LUZP2: variants seen among roughly 807,000 people sequenced by gnomAD.
LUZP2 encodes the protein leucine zipper protein 2.
LUZP2 carries 52 observed loss-of-function variants against 51.6 expected under a neutral mutation model. That is an observed-to-expected ratio of 1.01 (90% CI 0.81 to 1.27). The LOEUF is 1.27. Ranked by LOEUF, LUZP2 falls within the 50% of genes most tolerant of loss-of-function variation. LUZP2 has a pLI of 0.00. For synonymous variants in LUZP2, 154 were observed against 137.3 expected, an observed-to-expected ratio of 1.12 and a Z score of -0.85; for missense variants, 436 against 395.4, an observed-to-expected ratio of 1.10 and a Z score of -0.87.
At chr11:24,656,725 C>A (rs561808672) in intron 1 of LUZP2, among the ~76,000 whole-genome samples, 1 of 152,200 alleles carries the variant, frequency 6.6e-6, no homozygotes, top group Non-Finnish European at 1.5e-5. Flanking sequence ...CAGCTTAAGG[C>A]TCCTTTTCTC....
chr11:24,638,828 G>A (rs1419752614), intron 1 of LUZP2, among the ~76,000 whole-genome samples: 2 of 151,200 alleles, frequency 1.3e-5, no homozygotes, highest in African/African-American at 2.4e-5. Context: ...GGATGAGAAT[G>A]GAAAATGAAT....
At chr11:24,895,060 C>T (rs2133766022) in intron 5 of LUZP2, among the ~76,000 whole-genome samples, 1 of 152,238 alleles carries the variant, frequency 6.6e-6, no homozygotes, top group African/African-American at 2.4e-5. Context: ...GTGAGAGATT[C>T]TCAAATTTTT....
At chr11:25,000,630 G>T (rs562260240) in intron 9 of LUZP2, among the ~76,000 whole-genome samples, 4 of 152,198 alleles carry the variant, frequency 2.6e-5, no homozygotes, top group Admixed American at 1.3e-4. Context: ...AAGCCATGTT[G>T]CCCAACTCCA....
At chr11:24,662,244 G>T (rs1856048087) in intron 1 of LUZP2, among the ~76,000 whole-genome samples, 1 of 151,558 alleles carries the variant, frequency 6.6e-6, no homozygotes, top group African/African-American at 2.4e-5. Context: ...AGAGGCATGA[G>T]AAAACATCAC....
intron 9 of LUZP2, among the ~76,000 whole-genome samples, chr11:25,027,385 C>A (rs912532724): frequency 2.0e-5 from 3 of 152,028 alleles, no homozygotes; most frequent in Non-Finnish European, 4.4e-5. Flanking sequence ...ATTATTTATA[C>A]TTTATTATCA....
intron 5 of LUZP2, among the ~76,000 whole-genome samples, chr11:24,767,204 T>G (rs1860225219): frequency 6.6e-6 from 1 of 152,342 alleles, no homozygotes; most frequent in African/African-American, 2.4e-5. Context: ...AGATTTCCTA[T>G]ATGCAAAATT....
intron 1 of LUZP2, among the ~76,000 whole-genome samples, chr11:24,526,308 G>A (rs909608324): frequency 2.7e-5 from 4 of 149,732 alleles, no homozygotes; most frequent in Non-Finnish European, 5.9e-5. Flanking sequence ...TTCTGGTACT[G>A]ACAAAGCATA....
At chr11:25,019,422 G>T (rs1473806234) in intron 9 of LUZP2, among the ~76,000 whole-genome samples, 1 of 151,976 alleles carries the variant, frequency 6.6e-6, no homozygotes, top group Non-Finnish European at 1.5e-5. Context: ...TTGTAAATTT[G>T]ATTTGAACTA....
intron 5 of LUZP2, among the ~76,000 whole-genome samples, chr11:24,831,680 A>G (rs1401884462): frequency 1.3e-5 from 2 of 152,200 alleles, no homozygotes; most frequent in Non-Finnish European, 2.9e-5. Flanking sequence ...TTTAGTGAAT[A>G]TCAGAAAGTG....
chr11:24,540,501 C>T (rs892252111), intron 1 of LUZP2, among the ~76,000 whole-genome samples: 1 of 152,082 alleles, frequency 6.6e-6, no homozygotes, highest in African/African-American at 2.4e-5. Context: ...ACCTACAAGC[C>T]AGAAAGTGCC....
chr11:24,752,570 A>G (rs999625544), intron 4 of LUZP2, among the ~76,000 whole-genome samples: 1 of 152,198 alleles, frequency 6.6e-6, no homozygotes, highest in Non-Finnish European at 1.5e-5. Flanking sequence ...GGAAAATATG[A>G]TTGGAGTGAG....
intron 10 of LUZP2, among the ~76,000 whole-genome samples, chr11:25,075,308 C>G (rs928388910): frequency 3.3e-5 from 5 of 152,144 alleles, no homozygotes; most frequent in African/African-American, 1.2e-4. Context: ...GTGACAATCT[C>G]TCTTTTTCTG....
At chr11:24,889,741 G>C (rs886431728) in intron 5 of LUZP2, among the ~76,000 whole-genome samples, 14 of 152,118 alleles carry the variant, frequency 9.2e-5, no homozygotes, top group Admixed American at 8.5e-4. Flanking sequence ...GAAATGTTCT[G>C]ATTTTTAAAC....
chr11:24,752,419 G>A (rs1859625781), intron 4 of LUZP2, among the ~76,000 whole-genome samples: 1 of 152,096 alleles, frequency 6.6e-6, no homozygotes, highest in African/African-American at 2.4e-5. Context: ...GCCAGAGAAA[G>A]CTCCATTTTG....
At chr11:24,877,870 A>G (rs1390520781) in intron 5 of LUZP2, among the ~76,000 whole-genome samples, 1 of 152,038 alleles carries the variant, frequency 6.6e-6, no homozygotes, top group Non-Finnish European at 1.5e-5. Context: ...TTTGTCTTTC[A>G]GTGCCTGGCT....
At chr11:24,596,752 G>T (rs546739147) in intron 1 of LUZP2, among the ~76,000 whole-genome samples, 13 of 152,166 alleles carry the variant, frequency 8.5e-5, no homozygotes, top group Admixed American at 3.9e-4. Context: ...ACAGTTCTTG[G>T]CTGAGGAATC....
intron 10 of LUZP2, among the ~76,000 whole-genome samples, chr11:25,062,587 CAAAAAAAAAAAAAA>C (rs1163708322): frequency 2.3e-5 from 1 of 43,090 alleles, no homozygotes; most frequent in African/African-American, 5.8e-5. Context: ...AAGACCCTGT[CAAAAAAAAAAAAAA>C]AAAAAAAAAA....
intron 1 of LUZP2, among the ~76,000 whole-genome samples, chr11:24,688,127 A>T (rs754431134): frequency 2.6e-5 from 4 of 152,162 alleles, no homozygotes; most frequent in Non-Finnish European, 5.9e-5. Flanking sequence ...TTATAATGAT[A>T]ATAACAAGAG....
At chr11:24,881,555 G>A (rs1050704697) in intron 5 of LUZP2, among the ~76,000 whole-genome samples, 1 of 151,970 alleles carries the variant, frequency 6.6e-6, no homozygotes, top group Admixed American at 6.6e-5. Flanking sequence ...GAAGTTGAAA[G>A]TATTCTGATT....
Sources: allele counts gnomAD v4.1 joint callset (sites outside exome capture counted in the v4.1 genomes callset), GRCh38; gene constraint gnomAD v4.1.1; transcripts MANE v1.5; gene names NCBI Gene and HGNC (gene_info 2026-07-23, HGNC 2026-07-21).